Variants in TSPAN18 observed in about 807,000 individuals in gnomAD.
TSPAN18 encodes the protein tetraspanin-18.
A neutral mutation model predicts 27.3 loss-of-function variants in TSPAN18; 14 were observed. The ratio of observed to expected loss-of-function variants is 0.51; its 90% CI spans 0.34 to 0.80. The LOEUF (loss-of-function observed/expected upper bound fraction) is 0.80. Among genes scored for constraint, TSPAN18 ranks in the 30% least tolerant of loss-of-function variants. The pLI is 0.01. For synonymous variants in TSPAN18, 143 were observed against 136.5 expected (o/e 1.05, Z -0.33); for missense variants, 268 against 323.9 (o/e 0.83, Z 1.32).
Position 44,759,723 on chromosome 11 carries a change from A to G in TSPAN18, c.-239-4703A>G, listed in dbSNP as rs976279920. ...CATCCATTTCTCCTAGCAACTGTCT[A>G]TCCATCCAGCTATTATTTGCAGAGT... On this transcript the variant is annotated intron_variant, in intron 1 of 9. Coordinates refer to ENST00000520358, the MANE Select transcript of TSPAN18 (RefSeq NM_130783.5). Among the ~76,000 whole-genome samples the G allele has an allele frequency of 2.4e-4, 37 of 152,328 alleles. No individual in the cohort carries two copies. In the Middle Eastern group the frequency reaches 0.01, roughly 42 times the overall value.
At chr11:44,909,595 G>C (rs556214077) in intron 4 of TSPAN18, 110 bp from the exon 5 acceptor site, 2 of 1,138,626 alleles carry the variant, frequency 1.8e-6, no homozygotes, top group Non-Finnish European at 2.5e-6. Flanking sequence ...GGCTCACCTA[G>C]TGCTTGATGC....
intron 3 of TSPAN18, among the ~76,000 whole-genome samples, chr11:44,894,863 T>C (rs1022382297): frequency 1.1e-4 from 17 of 152,228 alleles, no homozygotes; most frequent in Non-Finnish European, 1.9e-4. Flanking sequence ...GCGCTTCCTG[T>C]CTCTGGTGCC....
chr11:44,800,910 G>A (rs1394309539), intron 2 of TSPAN18, among the ~76,000 whole-genome samples: 1 of 152,140 alleles, frequency 6.6e-6, no homozygotes, highest in Non-Finnish European at 1.5e-5. Flanking sequence ...TACCATGCAG[G>A]GGCCCGCCTG....
intron 2 of TSPAN18, among the ~76,000 whole-genome samples, chr11:44,837,451 G>C (rs75938131): frequency 0.018 from 2,749 of 152,270 alleles, 83 homozygotes; most frequent in African/African-American, 0.063. Flanking sequence ...AACTACTCCT[G>C]GTAAAGTTGC....
In TSPAN18 at chr11:44,892,355, C is replaced by A. The variant is rs112063631; in HGVS notation, c.-10-14052C>A. On this transcript the variant is annotated intron_variant, in intron 3 of 9. Transcript: ENST00000520358. ...GCGCCATTCCTCCCAGGCCCCTGGA[C>A]TTGGTTGCTTGGCCTGCTTCAACTA... 5.8e-3 allele frequency among the ~76,000 whole-genome samples: 877 copies of A among 152,334 alleles called. 11 individuals carry two copies. Among genetic ancestry groups the A allele is most frequent in the African/African-American group, 0.016 (684 of 41,580 alleles).
At chr11:44,728,732 T>A (rs1854579722) in intron 1 of TSPAN18, among the ~76,000 whole-genome samples, 1 of 152,060 alleles carries the variant, frequency 6.6e-6, no homozygotes, top group Non-Finnish European at 1.5e-5. Context: ...GTATGTTGAG[T>A]CTGTGTGTCT....
intron 2 of TSPAN18, among the ~76,000 whole-genome samples, chr11:44,828,474 C>G (rs1857089854): frequency 6.6e-6 from 1 of 152,096 alleles, no homozygotes; most frequent in African/African-American, 2.4e-5. Flanking sequence ...CTTTGCAGGG[C>G]TGGTATTGCC....
At chr11:44,730,110 TG>T (rs1212915509) in intron 1 of TSPAN18, among the ~76,000 whole-genome samples, 2 of 151,792 alleles carry the variant, frequency 1.3e-5, no homozygotes, top group Non-Finnish European at 2.9e-5. Context: ...CGGGCTGGCT[TG>T]CCTCTCTCTG....
chr11:44,738,372 G>A (rs1854849511), intron 1 of TSPAN18, among the ~76,000 whole-genome samples: 1 of 152,118 alleles, frequency 6.6e-6, no homozygotes, highest in Non-Finnish European at 1.5e-5. Flanking sequence ...GAGCCCCCCC[G>A]GCTGGAGCCC....
intron 3 of TSPAN18, among the ~76,000 whole-genome samples, chr11:44,868,039 A>G (rs1302598430): frequency 6.6e-6 from 1 of 152,140 alleles, no homozygotes; most frequent in Non-Finnish European, 1.5e-5. Flanking sequence ...CAGTCATTGC[A>G]AGGCCTCCAG....
intron 1 of TSPAN18, among the ~76,000 whole-genome samples, chr11:44,748,640 G>A (rs1590415283): frequency 6.6e-6 from 1 of 152,298 alleles, no homozygotes; most frequent in African/African-American, 2.4e-5. Context: ...GAAAGTTCAA[G>A]ATCGTGATTT....
chr11:44,820,376 G>A (rs751121873), intron 2 of TSPAN18, among the ~76,000 whole-genome samples: 7 of 152,182 alleles, frequency 4.6e-5, no homozygotes, highest in Admixed American at 1.3e-4. Context: ...GGGCACAGGC[G>A]TCCTCCCTGG....
chr11:44,876,239 A>T (rs542227992), intron 3 of TSPAN18, among the ~76,000 whole-genome samples: 1 of 152,300 alleles, frequency 6.6e-6, no homozygotes, highest in South Asian at 2.1e-4. Flanking sequence ...CAGATGAACA[A>T]AGGTGGGTCA....
intron 2 of TSPAN18, among the ~76,000 whole-genome samples, chr11:44,811,940 TC>T: frequency 6.6e-6 from 1 of 152,146 alleles, no homozygotes; most frequent in East Asian, 1.9e-4. Flanking sequence ...GTCAGCTCAT[TC>T]CCCGGGATGA....
At chr11:44,757,006 G>T (rs1466650397) in intron 1 of TSPAN18, among the ~76,000 whole-genome samples, 1 of 152,120 alleles carries the variant, frequency 6.6e-6, no homozygotes, top group Non-Finnish European at 1.5e-5. Flanking sequence ...TTTCATATAT[G>T]ACTTTTACAG....
intron 3 of TSPAN18, among the ~76,000 whole-genome samples, chr11:44,872,329 A>G (rs558418326): frequency 2.2e-4 from 33 of 152,270 alleles, no homozygotes; most frequent in Non-Finnish European, 3.5e-4. Context: ...CCTATCTCCA[A>G]TGAAGTCACG....
At chr11:44,798,374 AC>A (rs1043605801) in intron 2 of TSPAN18, among the ~76,000 whole-genome samples, 24 of 95,116 alleles carry the variant, frequency 2.5e-4, no homozygotes, top group Non-Finnish European at 4.1e-4. Context: ...ACAGGGAAAG[AC>A]GGGGAAAGCA....
At chr11:44,727,654 C>G (rs1008088866) in intron 1 of TSPAN18, among the ~76,000 whole-genome samples, 1 of 152,222 alleles carries the variant, frequency 6.6e-6, no homozygotes. Context: ...GGGCTGCGCC[C>G]GGAAAGGGGC....
At chr11:44,915,593 G>C (rs2135354771) in intron 5 of TSPAN18, among the ~76,000 whole-genome samples, 1 of 152,304 alleles carries the variant, frequency 6.6e-6, no homozygotes, top group Admixed American at 6.5e-5. Flanking sequence ...AGGCCACCCA[G>C]CAAACCTCAG....
Sources: gnomAD v4.1 joint callset for allele counts (sites outside exome capture counted in the v4.1 genomes callset) on GRCh38, gnomAD v4.1.1 for gene constraint, MANE v1.5 for transcripts, NCBI Gene and HGNC (gene_info 2026-07-23, HGNC 2026-07-21) for gene names.